The following POLR3D variants were observed in gnomAD, a reference collection of about 807,000 sequenced individuals.
The protein encoded by POLR3D is DNA-directed RNA polymerase III subunit RPC4.
A neutral mutation model predicts 44.5 loss-of-function variants in POLR3D; 42 were observed. The ratio of observed to expected loss-of-function variants is 0.94; its 90% CI spans 0.74 to 1.22. The LOEUF (loss-of-function observed/expected upper bound fraction) is 1.22, where lower values mean the gene tolerates loss of function less well. POLR3D is among the 50% of genes most tolerant of loss of function. The pLI is 0.00. For missense variants in POLR3D, 507 were observed against 505.2 expected, an observed-to-expected ratio of 1.00 and a Z score of -0.03; for synonymous variants, 217 against 198.1, an observed-to-expected ratio of 1.10 and a Z score of -0.80.
chr8:22,247,245 A>C lies in POLR3D; in HGVS notation c.190A>C (p.Ser64Arg). ...KKKTFTPNII[S>R]RKIKEEPKEE... is the part of the protein sequence containing the mutation. Reference sequence around the variant, plus strand: ...GAAAACCTTCACCCCAAATATCATCAGTCGGAAGATCAAGGAAGAGTAAGT... The same window carrying C: ...GAAAACCTTCACCCCAAATATCATCCGTCGGAAGATCAAGGAAGAGTAAGT... Residue 64 changes from serine to arginine, a missense_variant, in exon 3 of 9, where the codon AGT (serine) becomes CGT (arginine). Ser to Arg is a moderately radical substitution (Grantham distance 110). Coordinates refer to ENST00000306433, the MANE Select transcript of POLR3D (RefSeq NM_001722.3). 6.2e-7 allele frequency: 1 copy of C among 1,613,574 alleles called. No individual in the cohort carries two copies. The highest frequency in any genetic ancestry group is 8.5e-7 in the Non-Finnish European group (1 of 1,179,538).
chr8:22,249,324 A>C lies in POLR3D; in HGVS notation c.921+15A>C. The C allele has an allele frequency of 6.2e-7, 1 of 1,608,718 alleles. No homozygotes were observed. Among genetic ancestry groups the C allele is most frequent in the South Asian group, 1.1e-5 (1 of 91,010 alleles). On this transcript the variant is annotated intron_variant, in intron 7 of 8. Transcript: ENST00000306433. The stretch of plus-strand genomic sequence containing the variant: ...AGAAAGACCGAGTACGCTCAGACAG[A>C]GGCCTGCGGGAATCAAGTCGGGGAC...
chr8:22,249,280 G>A lies in POLR3D; in HGVS notation c.892G>A (p.Val298Met). ...KTEVQGEDGQ[V>M]VLIKQEKDRE... ...AGAGGTGCAGGGCGAGGACGGACAGGTGGTGCTCATCAAGCAGGAGAAAGA... is the reference window on the plus strand; with the variant it reads ...AGAGGTGCAGGGCGAGGACGGACAGATGGTGCTCATCAAGCAGGAGAAAGA... The change falls in exon 7 of 9, where the codon GTG (valine) becomes ATG (methionine). Residue 298 changes from valine (V) to methionine (M), a missense_variant. Physicochemically the swap from Val to Met is conservative, Grantham distance 21 (BLOSUM62 1). Transcript: ENST00000306433. 1 of 1,613,980 alleles carries A rather than the reference G, an allele frequency of 6.2e-7. No homozygotes were observed. Among genetic ancestry groups the A allele is most frequent in the Non-Finnish European group, 8.5e-7 (1 of 1,179,994 alleles).
intron 5 of POLR3D, 54 bp downstream of exon 5, chr8:22,248,332 T>C (rs1176959141): frequency 6.3e-7 from 1 of 1,598,414 alleles, no homozygotes; most frequent in Admixed American, 1.7e-5. Context: ...AGAACAGGGC[T>C]TCTGGGGAGC....
At position 22,248,594 on chromosome 8, in the gene POLR3D, T is replaced by C; in HGVS notation, c.600T>C (p.Pro200=). The change falls in exon 6 of 9, where the codon CCT becomes CCC. Residue 200 remains proline, a synonymous_variant. Coordinates refer to ENST00000306433, the MANE Select transcript of POLR3D (RefSeq NM_001722.3). ...KEENDEPDVK[P]WLAGPKEEDM... ...AAAATGACGAACCAGATGTTAAACCTTGGCTGGCTGGCCCCAAGGAAGAGG... is the reference window on the plus strand; with the variant it reads ...AAAATGACGAACCAGATGTTAAACCCTGGCTGGCTGGCCCCAAGGAAGAGG... The C allele has an allele frequency of 1.2e-6, 2 of 1,614,120 alleles. No individual in the cohort carries two copies. Among genetic ancestry groups the C allele is most frequent in the Non-Finnish European group, 1.7e-6 (2 of 1,180,020 alleles).
At chr8:22,248,105 T>G (rs1283905042) in intron 4 of POLR3D, 49 bp from the exon 5 acceptor site, 1 of 1,610,242 alleles carries the variant, frequency 6.2e-7, no homozygotes. Flanking sequence ...TTCCTTGCTG[T>G]TGGGCATCTT....
In POLR3D at chr8:22,250,462, C is replaced by A. The variant is rs1207743835; in HGVS notation, c.1141C>A (p.His381Asn). 1 of 1,614,158 alleles carries A rather than the reference C, an allele frequency of 6.2e-7. No homozygotes were observed. The highest frequency in any genetic ancestry group is 1.7e-5 in the Admixed American group (1 of 60,030). Residue 381 changes from histidine to asparagine, a missense_variant, in exon 9 of 9, where the codon CAC becomes AAC. Transcript: ENST00000306433. ...GATGACAGTCCTGGGACACGTGAAG[C>A]ACAAACTTGTATGTTCCCCTGATTT... is the stretch of plus-strand genomic sequence containing the variant. ...GEMTVLGHVK[H>N]KLVCSPDFES...
chr8:22,245,572 C>T lies in POLR3D; in HGVS notation c.123C>T (p.Pro41=), dbSNP rs561699203. Reference sequence around the variant, plus strand: ...CTCCCCTCACCCCCGGCCGCCTTCCCTCCATCCGTTCCAGGGACCTCACCC... The same window carrying T: ...CTCCCCTCACCCCCGGCCGCCTTCCTTCCATCCGTTCCAGGGACCTCACCC... ...PAPPLTPGRL[P]SIRSRDLTLG... is the part of the protein sequence containing the mutation. Residue 41 remains proline, a synonymous_variant, in exon 2 of 9, where the codon CCC becomes CCT. Coordinates refer to ENST00000306433, the MANE Select transcript of POLR3D (RefSeq NM_001722.3). The T allele has an allele frequency of 1.1e-4, 145 of 1,261,538 alleles. No individual in the cohort carries two copies. In the African/African-American group the frequency reaches 1.6e-3, roughly 14 times the overall value. 78.1% of individuals were successfully genotyped at this position (1,261,538 alleles called of 1,614,324 possible).
At chr8:22,247,546 C>G (rs968018274) in intron 3 of POLR3D, among the ~76,000 whole-genome samples, 4 of 152,172 alleles carry the variant, frequency 2.6e-5, no homozygotes, top group Admixed American at 2.0e-4. Context: ...AGTTGAGAGC[C>G]AATAGTTTAA....
chr8:22,249,093 T>G lies in POLR3D; in HGVS notation c.705T>G (p.Pro235=), dbSNP rs1383483904. Reference sequence around the variant, plus strand: ...AGGAAGAGGCCAAGATGAAGGCTCCTCCCAAAGCAGCCAGGAAGACTCCAG... The same window carrying G: ...AGGAAGAGGCCAAGATGAAGGCTCCGCCCAAAGCAGCCAGGAAGACTCCAG... ...DEEEEAKMKA[P]PKAARKTPGL... Residue 235 remains proline (P), a synonymous_variant, in exon 7 of 9, where the codon CCT becomes CCG. Transcript: ENST00000306433. 2 of 1,613,754 alleles carry G rather than the reference T, an allele frequency of 1.2e-6. No homozygotes were observed. Among genetic ancestry groups the G allele is most frequent in the Non-Finnish European group, 1.7e-6 (2 of 1,179,940 alleles).
Position 22,251,732 on chromosome 8 carries a change from C to T in POLR3D, c.*1214C>T, listed in dbSNP as rs770683558. On this transcript the variant is annotated 3_prime_UTR_variant, in exon 9 of 9. Coordinates refer to ENST00000306433, the MANE Select transcript of POLR3D (RefSeq NM_001722.3). ...TACCAGGTCATTGTACTGTGTTGTC[C>T]CTGGAGGAACAGCTTCTCCTCTTGT... is the stretch of plus-strand genomic sequence containing the variant. 1 of 152,262 alleles carries T rather than the reference C, an allele frequency of 6.6e-6. No individual in the cohort carries two copies. Among genetic ancestry groups the T allele is most frequent in the Non-Finnish European group, 1.5e-5 (1 of 68,046 alleles). 9.4% of individuals were successfully genotyped at this position (152,262 alleles called of 1,614,324 possible).
rs1385533545 is a variant in POLR3D, at chr8:22,249,297, G to C, written c.909G>C (p.Gln303His). 6.2e-7 allele frequency: 1 copy of C among 1,613,792 alleles called. No homozygotes were observed. Among genetic ancestry groups the C allele is most frequent in the East Asian group, 2.2e-5 (1 of 44,850 alleles). Reference sequence around the variant, plus strand: ...ACGGACAGGTGGTGCTCATCAAGCAGGAGAAAGACCGAGTACGCTCAGACA... The same window carrying C: ...ACGGACAGGTGGTGCTCATCAAGCACGAGAAAGACCGAGTACGCTCAGACA... ...GEDGQVVLIKQEKDREAKLAE... is the reference protein window; with the variant it reads ...GEDGQVVLIKHEKDREAKLAE... The change falls in exon 7 of 9, where the codon CAG becomes CAC. Residue 303 changes from glutamine (Q) to histidine (H), a missense_variant. By Grantham distance (24) the Gln-to-His change is conservative (BLOSUM62 0). Coordinates refer to ENST00000306433, the MANE Select transcript of POLR3D (RefSeq NM_001722.3).
rs1417707101 is a variant in POLR3D at position 22,247,925 on chromosome 8, A to G, written c.278A>G (p.His93Arg). 1.2e-6 allele frequency: 2 copies of G among 1,614,184 alleles called. No individual in the cohort carries two copies. The highest frequency in any genetic ancestry group is 1.1e-5 in the South Asian group (1 of 91,084). ...ERDRDRQREG[H>R]GRGRGRPEVI... ...GACAGAGACCGACAACGAGAGGGGC[A>G]TGGACGAGGGCGAGGCCGTCCAGAA... Residue 93 changes from histidine (H) to arginine (R), a missense_variant, in exon 4 of 9, where the codon CAT becomes CGT. By Grantham distance (29) the His-to-Arg change is conservative. Transcript: ENST00000306433.
In POLR3D at chr8:22,248,761, C is replaced by G. The variant is rs1364196380; in HGVS notation, c.655+112C>G. On this transcript the variant is annotated intron_variant, in intron 6 of 8. Transcript: ENST00000306433. ...GACTGCTGCTCGTGAGCAGGTCCTC[C>G]CATTCCGGCTGTAAGATACATGAGC... The G allele has an allele frequency of 4.7e-6, 5 of 1,057,144 alleles. No homozygotes were observed. The African/African-American group carries it at 7.9e-5, about 17-fold the overall frequency. 65.5% of individuals were successfully genotyped at this position (1,057,144 alleles called of 1,614,324 possible).
At chr8:22,245,326 G>A (rs770645943) in intron 1 of POLR3D, 119 bp from the exon 2 acceptor site, 8 of 656,532 alleles carry the variant, frequency 1.2e-5, no homozygotes, top group Non-Finnish European at 1.8e-5. Context: ...GGGAGGGGAG[G>A]AGCTGAGAGG....
intron 6 of POLR3D, 58 bp downstream of exon 6, chr8:22,248,707 T>C: frequency 6.6e-7 from 1 of 1,524,828 alleles, no homozygotes; most frequent in Non-Finnish European, 9.0e-7. Flanking sequence ...AGGAATCCCG[T>C]GCATCAGGCA....
rs1024247203 is a variant in POLR3D, at chr8:22,249,232, C to G, written c.844C>G (p.Gln282Glu). The G allele has an allele frequency of 6.2e-7, 1 of 1,613,926 alleles. No individual in the cohort carries two copies. The highest frequency in any genetic ancestry group is 8.5e-7 in the Non-Finnish European group (1 of 1,180,026). Residue 282 changes from glutamine (Q) to glutamate (E), a missense_variant, in exon 7 of 9, where the codon CAG (glutamine) becomes GAG (glutamate). By Grantham distance (29) the Gln-to-Glu change is conservative (BLOSUM62 2). Coordinates refer to ENST00000306433, the MANE Select transcript of POLR3D (RefSeq NM_001722.3). ...PDTLPGQPPT[Q>E]DIKPIKTEVQ... The stretch of plus-strand genomic sequence containing the variant: ...CACCCTCCCTGGCCAGCCACCCACC[C>G]AGGACATCAAGCCTATCAAGACAGA...
At chr8:22,246,161 G>T (rs563949215) in intron 2 of POLR3D, among the ~76,000 whole-genome samples, 24 of 152,282 alleles carry the variant, frequency 1.6e-4, no homozygotes, top group African/African-American at 5.8e-4. Context: ...AAGTCTCGCC[G>T]TTGTCCCCCA....
At chr8:22,247,174 T>C (rs908474654) in intron 2 of POLR3D, 47 bp from the exon 3 acceptor site, 6 of 1,455,314 alleles carry the variant, frequency 4.1e-6, no homozygotes, top group Admixed American at 1.8e-5. Flanking sequence ...CTCTGTACTT[T>C]GGGGTCAGAA....
rs1241577047 is a variant in POLR3D at position 22,250,902 on chromosome 8, C to T, written c.*384C>T. The T allele has an allele frequency of 3.8e-6, 1 of 259,824 alleles. No individual in the cohort carries two copies. The highest frequency in any genetic ancestry group is 7.8e-6 in the Non-Finnish European group (1 of 128,998). The allele number at this position is 259,824 out of a possible 1,614,324, so 16.1% of individuals were successfully genotyped here. ...GTGGACTGCAGCTTCTGCTGGTGCT[C>T]CCCCCGTCCTCCTGGAGGCAGTATA... On this transcript the variant is annotated 3_prime_UTR_variant, in exon 9 of 9. Coordinates refer to ENST00000306433, the MANE Select transcript of POLR3D (RefSeq NM_001722.3).
Sources: allele counts gnomAD v4.1 joint callset (sites outside exome capture counted in the v4.1 genomes callset), GRCh38; gene constraint gnomAD v4.1.1; transcripts MANE v1.5; gene names NCBI Gene and HGNC (gene_info 2026-07-23, HGNC 2026-07-21).